HERC2: variants seen among roughly 807,000 people sequenced by gnomAD.
The protein encoded by HERC2 is HECT and RLD domain containing E3 ubiquitin protein ligase 2.
In HERC2, 102 loss-of-function variants were observed where a neutral mutation model predicts 537.7. The observed-to-expected ratio is 0.19, with a 90% confidence interval of 0.16 to 0.22. The LOEUF (loss-of-function observed/expected upper bound fraction) is 0.22, where lower values mean the gene tolerates loss of function less well. HERC2 is among the 10% of genes least tolerant of loss of function. HERC2 has a pLI of 1.00. For synonymous variants in HERC2, 2,224 were observed against 2,466.2 expected, an observed-to-expected ratio of 0.90 and a Z score of 2.91; for missense variants, 4,236 against 6,198.2, an observed-to-expected ratio of 0.68 and a Z score of 10.63.
At chr15:28,285,231 C>T (rs2076125687) in intron 4 of HERC2, among the ~76,000 whole-genome samples, 1 of 152,168 alleles carries the variant, frequency 6.6e-6, no homozygotes, top group African/African-American at 2.4e-5. Flanking sequence ...CAGCCAATAA[C>T]AGCAGAATAC....
At chr15:28,230,771 T>C (rs1163132107) in intron 30 of HERC2, among the ~76,000 whole-genome samples, 9 of 151,838 alleles carry the variant, frequency 5.9e-5, no homozygotes, top group Middle Eastern at 6.8e-3. Context: ...AGTGAACATT[T>C]GAGTCTTTCA....
chr15:28,271,951 T>C (rs1172518813), intron 9 of HERC2: 11 of 489,796 alleles, frequency 2.2e-5, no homozygotes, highest in Non-Finnish European at 3.6e-5. Flanking sequence ...CAGGCCGCTA[T>C]TTTCGTTGTT....
At chr15:28,160,473 G>C (rs1372241947) in intron 69 of HERC2, among the ~76,000 whole-genome samples, 12 of 152,182 alleles carry the variant, frequency 7.9e-5, no homozygotes, top group Non-Finnish European at 1.6e-4. Flanking sequence ...CTTGTAGTTC[G>C]ATCTCAGGCT....
At chr15:28,297,976 A>G (rs2076513567) in intron 3 of HERC2, among the ~76,000 whole-genome samples, 1 of 148,288 alleles carries the variant, frequency 6.7e-6, no homozygotes, top group African/African-American at 2.5e-5. Flanking sequence ...GTGGGTCTGC[A>G]GCCACTCACT....
At chr15:28,129,839 C>T (rs1889918172) in intron 83 of HERC2, among the ~76,000 whole-genome samples, 2 of 150,136 alleles carry the variant, frequency 1.3e-5, no homozygotes, top group South Asian at 2.1e-4. Context: ...TGCAATGGCA[C>T]GATCTTGGCT....
rs1596108094 is a variant in HERC2, at chr15:28,167,761, G to A, written c.10480C>T (p.Arg3494Trp). ...TCATCCGTCACTGGGATAAAAGGCC[G>A]AGCGGAGGCTGAGGGGGCCGACGGA... is the stretch of plus-strand genomic sequence containing the variant. ...VTPSAPSASARPFIPVTDDLG... is the reference protein window; with the variant it reads ...VTPSAPSASAWPFIPVTDDLG... The change falls in exon 68 of 93, where the codon CGG (arginine) becomes TGG (tryptophan). Residue 3494 changes from arginine (R) to tryptophan (W), a missense_variant. Arg to Trp is a moderately radical substitution (Grantham distance 101). This residue lies in a region of HERC2 where 356 missense variants were observed against 450.9 expected (regional missense o/e 0.79). Coordinates refer to ENST00000261609, the MANE Select transcript of HERC2 (RefSeq NM_004667.6). 5.0e-6 allele frequency: 8 copies of A among 1,614,054 alleles called. No homozygotes were observed. The highest frequency in any genetic ancestry group is 1.3e-5 in the African/African-American group (1 of 74,924).
rs754647962 is a variant in HERC2, at chr15:28,114,774, A to G, written c.13751T>C (p.Met4584Thr). 3.0e-5 allele frequency: 49 copies of G among 1,613,964 alleles called. No homozygotes were observed. The highest frequency in any genetic ancestry group is 2.5e-5 in the Non-Finnish European group (30 of 1,180,022). ...EVDKDFIPGL[M>T]YIRDNEATSE... Reference sequence around the variant, plus strand: ...GGTGGCTTCATTGTCTCGGATGTACATGAGTCCAGGAATAAAATCCTTATC... The same window carrying G: ...GGTGGCTTCATTGTCTCGGATGTACGTGAGTCCAGGAATAAAATCCTTATC... The change falls in exon 90 of 93, where the codon ATG (methionine) becomes ACG (threonine). Residue 4584 changes from methionine (M) to threonine (T), a missense_variant. Physicochemically the swap from Met to Thr is moderately conservative, Grantham distance 81. Coordinates refer to ENST00000261609, the MANE Select transcript of HERC2 (RefSeq NM_004667.6).
intron 86 of HERC2, chr15:28,118,263 G>A (rs1888499556): frequency 6.5e-6 from 1 of 153,902 alleles, no homozygotes; most frequent in Non-Finnish European, 1.4e-5. Context: ...TGTGTGAGAG[G>A]AGAGGTGCAC....
At chr15:28,274,850 C>T (rs749574298) in intron 6 of HERC2, 55 bp downstream of exon 6, 100 of 1,378,262 alleles carry the variant, frequency 7.3e-5, no homozygotes, top group Non-Finnish European at 9.5e-5. Flanking sequence ...AGTTCGAAAC[C>T]CAGTCTGTTG....
At chr15:28,214,529 C>A (rs1260607352) in intron 40 of HERC2, 126 bp downstream of exon 40, 4 of 1,286,004 alleles carry the variant, frequency 3.1e-6, no homozygotes, top group Non-Finnish European at 4.5e-6. Flanking sequence ...AGACGGCCAC[C>A]CACCTCTGAG....
In HERC2 at chr15:28,177,424, G is replaced by A; in HGVS notation, c.9249C>T (p.Ser3083=). 6.2e-7 allele frequency: 1 copy of A among 1,613,908 alleles called. No homozygotes were observed. The highest frequency in any genetic ancestry group is 1.1e-5 in the South Asian group (1 of 91,086). ...ACTAAAAAAAGTACCCTTACATTCT[G>A]CTGAAGTGTCCAAGTTTTCCATCGT... The part of the protein sequence containing the change: ...EGDDGKLGHF[S]RMNCDKPRLI... The change falls in exon 60 of 93, where the codon AGC becomes AGT. Residue 3083 remains serine, a synonymous_variant. Coordinates refer to ENST00000261609, the MANE Select transcript of HERC2 (RefSeq NM_004667.6). This position sits in a 1 kb window ranked among gnomAD's most constrained non-coding sequence, Gnocchi z 5.0.
chr15:28,302,179 TC>T (rs1319568976), intron 2 of HERC2, among the ~76,000 whole-genome samples: 1 of 148,500 alleles, frequency 6.7e-6, no homozygotes, highest in Non-Finnish European at 1.5e-5. Context: ...TAACCATCAT[TC>T]TACTCTATCT....
intron 3 of HERC2, among the ~76,000 whole-genome samples, chr15:28,296,600 G>A (rs2076475824): frequency 1.3e-5 from 2 of 151,342 alleles, no homozygotes; most frequent in Admixed American, 1.3e-4. Context: ...AAACACTTTG[G>A]GAAAAATTTT....
chr15:28,165,729 G>C (rs903224765), intron 68 of HERC2, among the ~76,000 whole-genome samples: 5 of 152,166 alleles, frequency 3.3e-5, no homozygotes, highest in African/African-American at 1.2e-4. Flanking sequence ...GAGACCAGGA[G>C]GTTGAGGCTG....
chr15:28,255,378 A>G (rs1196426478), intron 19 of HERC2, among the ~76,000 whole-genome samples: 4 of 152,360 alleles, frequency 2.6e-5, no homozygotes, highest in East Asian at 1.9e-4. Flanking sequence ...ACGTCCTTCA[A>G]TAGGAGAATG....
chr15:28,147,699 TAA>T, intron 70 of HERC2, among the ~76,000 whole-genome samples: 1 of 152,064 alleles, frequency 6.6e-6, no homozygotes, highest in East Asian at 1.9e-4. Flanking sequence ...GTGAGTGAGA[TAA>T]AAGTATAAGA....
rs1435327089 is a variant in HERC2 at position 28,236,932 on chromosome 15, G to C, written c.4003+31C>G. 2.5e-6 allele frequency: 4 copies of C among 1,604,932 alleles called. No individual in the cohort carries two copies. In the South Asian group the frequency reaches 4.4e-5, roughly 18 times the overall value. On this transcript the variant is annotated intron_variant, in intron 26 of 92. Transcript: ENST00000261609. ...ACTTACAGTTCAAAAAAAATAATCTGCTGATCAGCAAAAAGCAAAGATTTT... is the reference window on the plus strand; with the variant it reads ...ACTTACAGTTCAAAAAAAATAATCTCCTGATCAGCAAAAAGCAAAGATTTT...
chr15:28,150,488 G>A lies in HERC2; in HGVS notation c.10900+2189C>T, dbSNP rs150771724. 1.6e-3 allele frequency among the ~76,000 whole-genome samples: 222 copies of A among 140,988 alleles called. 2 individuals are homozygous for A. The highest frequency in any genetic ancestry group is 4.7e-4 in the Non-Finnish European group (31 of 65,798). The allele number at this position is 140,988 out of a possible 152,430, so 92.5% of individuals were successfully genotyped here. Reference sequence around the variant, plus strand: ...TAGTGAAATTACCAAAAAAACACACGCAGCTTCTAACCGAGAATATCACCG... The same window carrying A: ...TAGTGAAATTACCAAAAAAACACACACAGCTTCTAACCGAGAATATCACCG... On this transcript the variant is annotated intron_variant, in intron 70 of 92. Coordinates refer to ENST00000261609, the MANE Select transcript of HERC2 (RefSeq NM_004667.6).
At chr15:28,171,182 T>A (rs865866683) in intron 65 of HERC2, among the ~76,000 whole-genome samples, 9 of 152,236 alleles carry the variant, frequency 5.9e-5, no homozygotes, top group Middle Eastern at 3.2e-3. Flanking sequence ...TTCACCTGTA[T>A]ATGAATGACA....
Sources: allele counts gnomAD v4.1 joint callset (sites outside exome capture counted in the v4.1 genomes callset), GRCh38; gene constraint gnomAD v4.1.1; regional missense constraint gnomAD v4.1.1; non-coding constraint Gnocchi (gnomAD v3.1); transcripts MANE v1.5; gene names NCBI Gene and HGNC (gene_info 2026-07-23, HGNC 2026-07-21).